The following TEC variants were observed in gnomAD, a reference collection of about 807,000 sequenced individuals.
TEC encodes tyrosine-protein kinase Tec.
TEC carries 72 observed loss-of-function variants against 93.0 expected under a neutral mutation model. The observed-to-expected ratio is 0.77, with a 90% CI of 0.64 to 0.94. The LOEUF is 0.94. Among genes scored for constraint, TEC ranks in the 40% least tolerant of loss-of-function variants. The pLI, the probability that TEC is intolerant of heterozygous loss-of-function variation, is 0.00. For synonymous variants in TEC, 249 were observed against 247.7 expected (o/e 1.01, Z -0.05); for missense variants, 630 against 757.9 (o/e 0.83, Z 1.98).
intron 9 of TEC, 53 bp from the exon 10 acceptor site, chr4:48,150,995 G>T: frequency 8.8e-7 from 1 of 1,141,950 alleles, no homozygotes. Context: ...TAATAGCATT[G>T]CCATGGAGAA....
At chr4:48,173,494 G>T (rs1016588077) in intron 3 of TEC, among the ~76,000 whole-genome samples, 44 of 152,140 alleles carry the variant, frequency 2.9e-4, no homozygotes, top group African/African-American at 9.7e-4. Context: ...ACACAATGTT[G>T]GCCTCTTGGG....
chr4:48,262,166 T>C (rs1724510957), intron 1 of TEC, among the ~76,000 whole-genome samples: 2 of 149,696 alleles, frequency 1.3e-5, no homozygotes, highest in African/African-American at 4.9e-5. Context: ...ATTTAGATTG[T>C]TGAGTACAAC....
intron 8 of TEC, among the ~76,000 whole-genome samples, chr4:48,159,554 A>AT (rs1167143169): frequency 0.065 from 8,506 of 129,922 alleles, 781 homozygotes; most frequent in East Asian, 0.2. Context: ...CACCACGCTA[A>AT]TTTTTTTTTT....
At chr4:48,227,641 C>CAAAAAAAAAAAAAAAAAA (rs34047322) in intron 2 of TEC, among the ~76,000 whole-genome samples, 1 of 84,306 alleles carries the variant, frequency 1.2e-5, no homozygotes, top group Non-Finnish European at 2.4e-5. Flanking sequence ...GACACTGTCT[C>CAAAAAAAAAAAAAAAAAA]AAAAAAAAAA....
In TEC at chr4:48,150,114, T is replaced by C. The variant is rs537383178; in HGVS notation, c.873-424A>G. On this transcript the variant is annotated intron_variant, in intron 10 of 17. Transcript: ENST00000381501. ...AGAGCACAGATCTTCTCTAGTCCTCTCTTGCTAAAAATACTTTCAAGATGA... is the reference window on the plus strand; with the variant it reads ...AGAGCACAGATCTTCTCTAGTCCTCCCTTGCTAAAAATACTTTCAAGATGA... Among the ~76,000 whole-genome samples, 7 of 152,290 alleles carry C rather than the reference T, an allele frequency of 4.6e-5. No individual in the cohort carries two copies. The South Asian group carries it at 1.4e-3, about 32-fold the overall frequency.
intron 2 of TEC, among the ~76,000 whole-genome samples, chr4:48,198,086 A>G (rs1027215320): frequency 6.6e-6 from 1 of 152,114 alleles, no homozygotes; most frequent in African/African-American, 2.4e-5. Context: ...CCTGTCCAAG[A>G]TCTGTAAGTA....
At chr4:48,177,055 G>A (rs1721362296) in intron 2 of TEC, among the ~76,000 whole-genome samples, 1 of 151,796 alleles carries the variant, frequency 6.6e-6, no homozygotes, top group South Asian at 2.1e-4. Flanking sequence ...TGCCCTCCCT[G>A]CCTGCTGTAG....
At chr4:48,224,238 C>A (rs372308733) in intron 2 of TEC, among the ~76,000 whole-genome samples, 5 of 152,154 alleles carry the variant, frequency 3.3e-5, no homozygotes, top group African/African-American at 7.2e-5. Flanking sequence ...AAAAAGCCAA[C>A]CAAATTAAGA....
chr4:48,252,072 C>A (rs138084069), intron 1 of TEC, among the ~76,000 whole-genome samples: 36 of 152,294 alleles, frequency 2.4e-4, no homozygotes, highest in African/African-American at 8.4e-4. Context: ...ACAGCCTGGA[C>A]TCTGAAAACA....
Position 48,150,925 on chromosome 4 carries a change from A to G in TEC, c.810T>C (p.Phe270=), listed in dbSNP as rs751849317. Reference sequence around the variant, plus strand: ...CTGGTTGACTGGAATCCCTTACCATAAAACCACCTTCTTTATCCTAAAATC... The same window carrying G: ...CTGGTTGACTGGAATCCCTTACCATGAAACCACCTTCTTTATCCTAAAATC... ...LLRSEDKEGG[F]MVRDSSQPGL... is the part of the protein sequence containing the mutation. Residue 270 remains phenylalanine (F), a synonymous_variant, in exon 10 of 18, where the codon TTT becomes TTC. Coordinates refer to ENST00000381501, the MANE Select transcript of TEC (RefSeq NM_003215.3). The G allele has an allele frequency of 1.9e-6, 3 of 1,587,238 alleles. No individual in the cohort carries two copies. Among genetic ancestry groups the G allele is most frequent in the Non-Finnish European group, 2.6e-6 (3 of 1,167,744 alleles).
In TEC at chr4:48,160,114, T is replaced by G. The variant is rs578075376; in HGVS notation, c.738-3380A>C. On this transcript the variant is annotated intron_variant, in intron 8 of 17. Transcript: ENST00000381501. The stretch of plus-strand genomic sequence containing the variant: ...ACAACTCTTAGGAGGTTAAGTAGTA[T>G]TATCACCACTGTTTTGCAAATGAAA... Among the ~76,000 whole-genome samples the G allele has an allele frequency of 2.0e-5, 3 of 152,292 alleles. No individual in the cohort carries two copies. The East Asian group carries it at 5.8e-4, about 29-fold the overall frequency.
At chr4:48,223,242 T>C (rs1723324239) in intron 2 of TEC, among the ~76,000 whole-genome samples, 1 of 152,168 alleles carries the variant, frequency 6.6e-6, no homozygotes, top group African/African-American at 2.4e-5. Flanking sequence ...AAGTGTTAAT[T>C]CTCTTCCATC....
At position 48,255,908 on chromosome 4, in the gene TEC, G is replaced by A. The variant is rs1328738248; in HGVS notation, c.-46+13844C>T. On this transcript the variant is annotated intron_variant, in intron 1 of 17. Transcript: ENST00000381501. ...CTCCATGAAAGAGAGGGCAAGGTCAGCATTTGGATAAATCAGCCCTGGGTC... is the reference window on the plus strand; with the variant it reads ...CTCCATGAAAGAGAGGGCAAGGTCAACATTTGGATAAATCAGCCCTGGGTC... 7.2e-5 allele frequency among the ~76,000 whole-genome samples: 11 copies of A among 152,178 alleles called. No individual in the cohort carries two copies. In the East Asian group the frequency reaches 2.1e-3, roughly 29 times the overall value.
intron 1 of TEC, among the ~76,000 whole-genome samples, chr4:48,236,890 C>T (rs1723800208): frequency 6.6e-6 from 1 of 152,300 alleles, no homozygotes; most frequent in African/African-American, 2.4e-5. Context: ...CCTTTTTCAT[C>T]ATGAAAAATT....
intron 2 of TEC, among the ~76,000 whole-genome samples, chr4:48,178,805 C>T (rs1285488631): frequency 6.6e-6 from 1 of 152,180 alleles, no homozygotes; most frequent in Non-Finnish European, 1.5e-5. Context: ...GCATGCTTTT[C>T]ACCTGCTGCT....
chr4:48,222,869 C>T (rs1723311872), intron 2 of TEC, among the ~76,000 whole-genome samples: 1 of 152,014 alleles, frequency 6.6e-6, no homozygotes, highest in African/African-American at 2.4e-5. Context: ...TGAGCCAATT[C>T]CTCACAATAT....
At chr4:48,163,388 T>C (rs1057435040) in intron 8 of TEC, among the ~76,000 whole-genome samples, 1 of 152,248 alleles carries the variant, frequency 6.6e-6, no homozygotes, top group East Asian at 1.9e-4. Flanking sequence ...GTTCTGCTTA[T>C]GTCCTGAATG....
intron 1 of TEC, among the ~76,000 whole-genome samples, chr4:48,234,726 A>G (rs1397958137): frequency 6.6e-6 from 1 of 152,202 alleles, no homozygotes; most frequent in East Asian, 1.9e-4. Flanking sequence ...ATATAAATAC[A>G]TTGGGTGTGA....
chr4:48,171,139 T>C (rs772979654), intron 4 of TEC, among the ~76,000 whole-genome samples: 12 of 152,228 alleles, frequency 7.9e-5, no homozygotes, highest in Non-Finnish European at 1.6e-4. Flanking sequence ...AATGAGAGCG[T>C]GCTTTTCTTA....
Sources: allele counts gnomAD v4.1 joint callset (sites outside exome capture counted in the v4.1 genomes callset), GRCh38; gene constraint gnomAD v4.1.1; transcripts MANE v1.5; gene names NCBI Gene and HGNC (gene_info 2026-07-23, HGNC 2026-07-21).